Variants in ZNF569 observed in about 807,000 individuals in gnomAD.
The protein encoded by ZNF569 is DNA-binding protein.
Under a neutral mutation model 56.3 loss-of-function variants are expected in ZNF569, and 38 were observed. The ratio of observed to expected loss-of-function variants is 0.68; its 90% CI spans 0.52 to 0.88. ZNF569 has a LOEUF of 0.88. Ranked by LOEUF, ZNF569 falls within the 40% of genes least tolerant of loss-of-function variation. ZNF569 has a pLI of 0.00. For synonymous variants in ZNF569, 241 were observed against 262.9 expected (o/e 0.92, Z 0.81); for missense variants, 666 against 809.2 (o/e 0.82, Z 2.15).
chr19:37,418,028 G>A (rs2040963609), intron 5 of ZNF569, among the ~76,000 whole-genome samples: 4 of 151,914 alleles, frequency 2.6e-5, no homozygotes, highest in Admixed American at 2.6e-4. Context: ...TTGAACCTGG[G>A]AGGCGGAGGT....
intron 3 of ZNF569, among the ~76,000 whole-genome samples, chr19:37,442,031 A>T (rs1600326141): frequency 1.3e-5 from 2 of 152,354 alleles, no homozygotes; most frequent in East Asian, 3.9e-4. Flanking sequence ...CTGCATTAAA[A>T]TTAGTTTTTT....
upstream of ZNF569, among the ~76,000 whole-genome samples, chr19:37,468,352 G>T (rs1056808320): frequency 1.3e-5 from 2 of 152,210 alleles, no homozygotes; most frequent in Non-Finnish European, 2.9e-5. Context: ...GCCTCAAAAA[G>T]TGCTAGGATT....
chr19:37,438,116 A>G (rs1278718961), intron 3 of ZNF569, among the ~76,000 whole-genome samples: 1 of 152,144 alleles, frequency 6.6e-6, no homozygotes, highest in Non-Finnish European at 1.5e-5. Context: ...AAGTAGACAC[A>G]TAGGCCAGGA....
chr19:37,411,726 A>G lies in ZNF569; in HGVS notation c.*871T>C, dbSNP rs549237274. On this transcript the variant is annotated 3_prime_UTR_variant, in exon 6 of 6. Coordinates refer to ENST00000316950, the MANE Select transcript of ZNF569 (RefSeq NM_152484.3). ...ATATGATATAAAGTAGAAAGCTAAA[A>G]TTTTTCTCCTATGAACCTTCCATTT... The G allele has an allele frequency of 1.3e-5, 2 of 152,236 alleles. No individual in the cohort carries two copies. Among genetic ancestry groups the G allele is most frequent in the South Asian group, 4.1e-4 (2 of 4,824 alleles). The allele number at this position is 152,236 out of a possible 1,614,324, so 9.4% of individuals were successfully genotyped here. A position where few individuals can be genotyped will look rare whatever the true frequency, so the allele number is the denominator to read the frequency against.
rs1033286100 is a variant in ZNF569 at position 37,412,335 on chromosome 19, G to C, written c.*262C>G. On this transcript the variant is annotated 3_prime_UTR_variant, in exon 6 of 6. Coordinates refer to ENST00000316950, the MANE Select transcript of ZNF569 (RefSeq NM_152484.3). The stretch of plus-strand genomic sequence containing the variant: ...TCAAGTGTTGTGTTGTTATGCTGAT[G>C]GAAGATACCTTGTTTCAGATTTCAA... 2.6e-5 allele frequency: 11 copies of C among 415,648 alleles called. No homozygotes were observed. Among genetic ancestry groups the C allele is most frequent in the Non-Finnish European group, 3.6e-5 (9 of 252,212 alleles). 25.7% of individuals were successfully genotyped at this position (415,648 alleles called of 1,614,324 possible).
chr19:37,463,901 A>G (rs1416928155), intron 2 of ZNF569, among the ~76,000 whole-genome samples: 2 of 152,226 alleles, frequency 1.3e-5, no homozygotes, highest in African/African-American at 2.4e-5. Flanking sequence ...TTATAAAGAT[A>G]TAAAGAAAAT....
At chr19:37,453,128 G>C (rs549553110) in intron 2 of ZNF569, among the ~76,000 whole-genome samples, 1 of 151,934 alleles carries the variant, frequency 6.6e-6, no homozygotes, top group Non-Finnish European at 1.5e-5. Context: ...CAATTCTCTG[G>C]AGAGCCCACA....
In ZNF569 at chr19:37,412,608, GAA is replaced by G. The variant is rs2040855662; in HGVS notation, c.2048_2049del (p.Ile683ThrfsTer8). The G allele has an allele frequency of 6.3e-7, 1 of 1,597,932 alleles. No homozygotes were observed. Among genetic ancestry groups the G allele is most frequent in the Non-Finnish European group, 8.5e-7 (1 of 1,173,678 alleles). On this transcript the variant is annotated frameshift_variant, in exon 6 of 6. Transcript: ENST00000316950. LOFTEE classifies it high-confidence loss of function. Reference sequence around the variant, plus strand: ...TATTCATAGGGTTTCTAATGAGTATGAATTCTCTGGTGTCTAACAAGGTGCGA... The same window carrying G: ...TATTCATAGGGTTTCTAATGAGTATGTTCTCTGGTGTCTAACAAGGTGCGA... Reference protein sequence around the residue: ...QKSHLVRHQRIHTH With the variant: ...QKSHLVRHQRXHTH
In ZNF569 at chr19:37,411,684, T is replaced by C. The variant is rs1369556069; in HGVS notation, c.*913A>G. The C allele has an allele frequency of 6.6e-6, 1 of 152,190 alleles. No homozygotes were observed. The highest frequency in any genetic ancestry group is 1.5e-5 in the Non-Finnish European group (1 of 67,992). 9.4% of individuals were successfully genotyped at this position (152,190 alleles called of 1,614,324 possible). On this transcript the variant is annotated 3_prime_UTR_variant, in exon 6 of 6. Transcript: ENST00000316950. ...TTGCTTTTTATATTCTGGTCTTTAG[T>C]TGGATTTTATTTTTGTATATGATAT...
chr19:37,439,010 G>C (rs2041359223), intron 3 of ZNF569, among the ~76,000 whole-genome samples: 1 of 152,144 alleles, frequency 6.6e-6, no homozygotes, highest in East Asian at 1.9e-4. Context: ...CAACATCACT[G>C]ATCATCAGAT....
At chr19:37,425,318 ATTTTTTT>A (rs770808954) in intron 5 of ZNF569, among the ~76,000 whole-genome samples, 9 of 104,170 alleles carry the variant, frequency 8.6e-5, no homozygotes, top group East Asian at 5.9e-4. Context: ...CACGTGGCTA[ATTTTTTT>A]TTTTTTTTTT....
intron 5 of ZNF569, among the ~76,000 whole-genome samples, chr19:37,424,620 C>A (rs1013670731): frequency 3.3e-5 from 5 of 151,562 alleles, no homozygotes; most frequent in African/African-American, 7.3e-5. Context: ...TCAAGACCAG[C>A]CTGGCCAACA....
intron 3 of ZNF569, among the ~76,000 whole-genome samples, chr19:37,436,767 C>A (rs1456267785): frequency 6.6e-6 from 1 of 151,756 alleles, no homozygotes; most frequent in Non-Finnish European, 1.5e-5. Context: ...CAAGATTGAA[C>A]CATGAAGAAA....
At chr19:37,461,313 C>CTTT (rs200197328) in intron 2 of ZNF569, among the ~76,000 whole-genome samples, 30 of 137,012 alleles carry the variant, frequency 2.2e-4, no homozygotes, top group African/African-American at 7.5e-4. Context: ...AAAATATCCT[C>CTTT]TTTTTTTTTT....
At position 37,412,793 on chromosome 19, in the gene ZNF569, G is replaced by A. The variant is rs2146845974; in HGVS notation, c.1865C>T (p.Thr622Ile). Residue 622 changes from threonine (T) to isoleucine (I), a missense_variant, in exon 6 of 6, where the codon ACT (threonine) becomes ATT (isoleucine). Thr to Ile is a moderately conservative substitution (Grantham distance 89). Coordinates refer to ENST00000316950, the MANE Select transcript of ZNF569 (RefSeq NM_152484.3). The part of the protein sequence containing the change: ...GKAFSQSSSL[T>I]IHIRGHTGEK... ...ACCTGTATGTCCTCGTATATGTATA[G>A]TAAGGGATGAGCTTTGGGAGAAGGC... The A allele has an allele frequency of 1.2e-6, 2 of 1,613,950 alleles. No individual in the cohort carries two copies. The highest frequency in any genetic ancestry group is 2.2e-5 in the South Asian group (2 of 91,074).
intron 2 of ZNF569, among the ~76,000 whole-genome samples, chr19:37,445,400 C>G (rs1186892109): frequency 1.3e-5 from 2 of 152,034 alleles, no homozygotes; most frequent in East Asian, 3.9e-4. Flanking sequence ...TAATGTGTAT[C>G]GGAGGTACTG....
intron 3 of ZNF569, among the ~76,000 whole-genome samples, chr19:37,437,645 A>G (rs2041333536): frequency 6.6e-6 from 1 of 152,240 alleles, no homozygotes; most frequent in African/African-American, 2.4e-5. Context: ...CAGGATACAA[A>G]ATCAACATAG....
intron 2 of ZNF569, among the ~76,000 whole-genome samples, chr19:37,447,795 TTTG>T (rs1490143443): frequency 5.3e-5 from 8 of 152,112 alleles, no homozygotes; most frequent in African/African-American, 1.9e-4. Context: ...GAGGAGTTGC[TTTG>T]TTTTTTGTTG....
intron 3 of ZNF569, among the ~76,000 whole-genome samples, chr19:37,431,069 A>G (rs973425771): frequency 1.3e-5 from 2 of 152,134 alleles, no homozygotes; most frequent in Non-Finnish European, 2.9e-5. Flanking sequence ...CCTCACCACC[A>G]TGGGCTAAAG....
Sources: allele counts gnomAD v4.1 joint callset (sites outside exome capture counted in the v4.1 genomes callset), GRCh38; gene constraint gnomAD v4.1.1; transcripts MANE v1.5; gene names NCBI Gene and HGNC (gene_info 2026-07-23, HGNC 2026-07-21).